Variants in SLC39A11 observed in about 807,000 individuals in gnomAD.
SLC39A11 encodes the protein zinc transporter ZIP11.
In SLC39A11, 33 loss-of-function variants were observed where a neutral mutation model predicts 36.1. That is an observed-to-expected ratio of 0.91 (90% CI 0.69 to 1.22). The LOEUF (loss-of-function observed/expected upper bound fraction) is 1.22. SLC39A11 is among the 50% of genes most tolerant of loss of function. The probability of loss-of-function intolerance (pLI) is 0.00; values close to 1 mark genes in which losing one functional copy is unlikely to be tolerated. For missense variants in SLC39A11, 432 were observed against 430.3 expected (o/e 1.00, Z -0.03); for synonymous variants, 166 against 170.3 (o/e 0.97, Z 0.20).
At chr17:73,062,903 A>C (rs886616358) in intron 3 of SLC39A11, among the ~76,000 whole-genome samples, 16 of 152,140 alleles carry the variant, frequency 1.1e-4, no homozygotes, top group Admixed American at 5.2e-4. Flanking sequence ...TGACAGGAGG[A>C]GTTCAGGAGG....
intron 4 of SLC39A11, among the ~76,000 whole-genome samples, chr17:72,966,762 G>A (rs978002812): frequency 2.0e-5 from 3 of 152,092 alleles, no homozygotes; most frequent in African/African-American, 7.2e-5. Flanking sequence ...GTAGAGAGGG[G>A]GTTTCCCCAT....
At chr17:72,867,474 T>G (rs1161847102) in intron 5 of SLC39A11, among the ~76,000 whole-genome samples, 1 of 152,126 alleles carries the variant, frequency 6.6e-6, no homozygotes, top group Non-Finnish European at 1.5e-5. Context: ...TACTCCAGCC[T>G]GGGCGACTGC....
At chr17:72,967,042 T>C (rs1257755574) in intron 4 of SLC39A11, among the ~76,000 whole-genome samples, 1 of 152,200 alleles carries the variant, frequency 6.6e-6, no homozygotes, top group African/African-American at 2.4e-5. Flanking sequence ...CCTGATGATC[T>C]GTCACCGCCT....
intron 5 of SLC39A11, among the ~76,000 whole-genome samples, chr17:72,854,944 A>G (rs111933874): frequency 5.9e-5 from 9 of 152,180 alleles, no homozygotes; most frequent in African/African-American, 2.2e-4. Flanking sequence ...ACATCATAGG[A>G]TGGAGAAAAG....
intron 6 of SLC39A11, among the ~76,000 whole-genome samples, chr17:72,779,001 G>C (rs1195412900): frequency 6.6e-6 from 1 of 152,134 alleles, no homozygotes; most frequent in African/African-American, 2.4e-5. Context: ...CACAACACAA[G>C]AGCTTTTACC....
At chr17:72,970,120 A>G (rs1285857542) in intron 4 of SLC39A11, among the ~76,000 whole-genome samples, 1 of 152,224 alleles carries the variant, frequency 6.6e-6, no homozygotes, top group East Asian at 1.9e-4. Flanking sequence ...TTCAACCGTT[A>G]AAAGGTCAGT....
At chr17:73,053,004 C>A (rs1449364891) in intron 3 of SLC39A11, among the ~76,000 whole-genome samples, 1 of 152,084 alleles carries the variant, frequency 6.6e-6, no homozygotes. Flanking sequence ...CCTGGCCAAC[C>A]TAATGTTTAA....
At position 73,084,992 on chromosome 17, in the gene SLC39A11, G is replaced by T. The variant is rs112399551; in HGVS notation, c.109-146C>A. The stretch of plus-strand genomic sequence containing the variant: ...TCGTGAGCTACTCAGTTTATACCAT[G>T]GGCCAAGAACCACGGGGAAAGTCTT... On this transcript the variant is annotated intron_variant, in intron 2 of 9. Coordinates refer to ENST00000255559, the MANE Select transcript of SLC39A11 (RefSeq NM_139177.4). 83 of 789,092 alleles carry T rather than the reference G, an allele frequency of 1.1e-4. 1 individual carries two copies. Among genetic ancestry groups the T allele is most frequent in the African/African-American group, 8.3e-4 (48 of 57,528 alleles). 48.9% of individuals were successfully genotyped at this position (789,092 alleles called of 1,614,324 possible).
intron 7 of SLC39A11, among the ~76,000 whole-genome samples, chr17:72,680,509 T>C (rs2071466177): frequency 6.6e-6 from 1 of 152,184 alleles, no homozygotes; most frequent in Admixed American, 6.6e-5. Flanking sequence ...AAGGGCAGTT[T>C]CCCCACACAC....
At chr17:72,907,635 C>T (rs768033157) in intron 5 of SLC39A11, among the ~76,000 whole-genome samples, 1 of 152,192 alleles carries the variant, frequency 6.6e-6, no homozygotes, top group Non-Finnish European at 1.5e-5. Context: ...CATCCTTTCT[C>T]GCTTTCCTCC....
chr17:72,782,424 G>A lies in SLC39A11; in HGVS notation c.602-45705C>T, dbSNP rs118085693. Among the ~76,000 whole-genome samples, 1,061 of 152,132 alleles carry A rather than the reference G, an allele frequency of 7.0e-3. 6 individuals are homozygous for A. Among genetic ancestry groups the A allele is most frequent in the Non-Finnish European group, 0.011 (757 of 67,984 alleles). On this transcript the variant is annotated intron_variant, in intron 6 of 9. Transcript: ENST00000255559. ...TGCAGTACTGTGTTACAGGAGCTGC[G>A]GGAAACTGATTCACTAGCCAAGTCC...
At chr17:72,815,882 T>C (rs531641129) in intron 6 of SLC39A11, among the ~76,000 whole-genome samples, 68 of 151,152 alleles carry the variant, frequency 4.5e-4, no homozygotes, top group Admixed American at 1.8e-3. Context: ...GATTGGGCCA[T>C]TGCACTCCAG....
intron 7 of SLC39A11, among the ~76,000 whole-genome samples, chr17:72,720,629 C>A (rs1442857377): frequency 6.6e-6 from 1 of 152,144 alleles, no homozygotes; most frequent in Non-Finnish European, 1.5e-5. Context: ...AGTAGCTTCA[C>A]CATGGACAGT....
chr17:72,983,154 T>C (rs557551774), intron 4 of SLC39A11, among the ~76,000 whole-genome samples: 20 of 147,792 alleles, frequency 1.4e-4, no homozygotes, highest in African/African-American at 5.2e-4. Flanking sequence ...TTATTTGTTT[T>C]TGTTTTTTTT....
At chr17:73,019,754 T>C (rs973619163) in intron 4 of SLC39A11, among the ~76,000 whole-genome samples, 1 of 152,130 alleles carries the variant, frequency 6.6e-6, no homozygotes, top group African/African-American at 2.4e-5. Context: ...AGTAAGATGG[T>C]AGTCACGGAC....
intron 5 of SLC39A11, among the ~76,000 whole-genome samples, chr17:72,878,553 C>T (rs1199065558): frequency 1.3e-5 from 2 of 152,206 alleles, no homozygotes; most frequent in African/African-American, 4.8e-5. Context: ...TCAGACCTTA[C>T]TCACATGCCA....
At chr17:72,900,919 C>T (rs767576340) in intron 5 of SLC39A11, among the ~76,000 whole-genome samples, 20 of 151,226 alleles carry the variant, frequency 1.3e-4, no homozygotes, top group Non-Finnish European at 2.4e-4. Context: ...AAACAAAATT[C>T]GAGCTTCAAA....
chr17:72,786,696 G>A (rs902028175), intron 6 of SLC39A11, among the ~76,000 whole-genome samples: 1 of 152,170 alleles, frequency 6.6e-6, no homozygotes, highest in Non-Finnish European at 1.5e-5. Flanking sequence ...GAAGTGGGAC[G>A]CACATCTAGA....
chr17:72,937,359 G>A (rs947301609), intron 5 of SLC39A11, among the ~76,000 whole-genome samples: 2 of 152,184 alleles, frequency 1.3e-5, no homozygotes, highest in Admixed American at 6.5e-5. Context: ...GGAGACTGAG[G>A]CAGGAGAATC....
Sources: allele counts gnomAD v4.1 joint callset (sites outside exome capture counted in the v4.1 genomes callset), GRCh38; gene constraint gnomAD v4.1.1; transcripts MANE v1.5; gene names NCBI Gene and HGNC (gene_info 2026-07-23, HGNC 2026-07-21).